MGARP: variants seen among roughly 807,000 people sequenced by gnomAD.
The protein encoded by MGARP is protein MGARP.
MGARP carries 12 observed loss-of-function variants against 11.0 expected under a neutral mutation model. That is an observed-to-expected ratio of 1.09 (90% CI 0.70 to 1.77). The LOEUF is 1.77. Among genes scored for constraint, MGARP ranks in the 40% most tolerant of loss-of-function variants. MGARP has a pLI of 0.00. For missense variants in MGARP, 283 were observed against 297.8 expected (o/e 0.95, Z 0.36); for synonymous variants, 110 against 115.4 (o/e 0.95, Z 0.30).
intron 1 of MGARP, among the ~76,000 whole-genome samples, chr4:139,279,499 G>T (rs1340584518): frequency 6.6e-6 from 1 of 152,124 alleles, no homozygotes; most frequent in South Asian, 2.1e-4. Context: ...AGAGCCAGGC[G>T]CTCGCGGGGT....
At chr4:139,275,879 A>T (rs1048639199) in intron 1 of MGARP, among the ~76,000 whole-genome samples, 1 of 152,236 alleles carries the variant, frequency 6.6e-6, no homozygotes, top group Non-Finnish European at 1.5e-5. Context: ...AATCTATAAT[A>T]CACATGTAGG....
chr4:139,269,204 A>G lies in MGARP; in HGVS notation c.187-439T>C, dbSNP rs187089352. 6.7e-4 allele frequency among the ~76,000 whole-genome samples: 102 copies of G among 152,202 alleles called. 1 individual carries two copies. Among genetic ancestry groups the G allele is most frequent in the African/African-American group, 2.3e-3 (96 of 41,536 alleles). On this transcript the variant is annotated intron_variant, in intron 2 of 3. Transcript: ENST00000398955. ...AAAACAAGGAAGAAAAAAATGAATT[A>G]TGCTACAACCAGAATATCCTGACAG...
At chr4:139,271,488 C>T (rs1408879578) in intron 2 of MGARP, among the ~76,000 whole-genome samples, 7 of 152,058 alleles carry the variant, frequency 4.6e-5, no homozygotes, top group Non-Finnish European at 7.4e-5. Flanking sequence ...ATTGCGCCAT[C>T]GCACTCCAGC....
intron 1 of MGARP, among the ~76,000 whole-genome samples, chr4:139,279,233 A>G (rs1744918024): frequency 6.6e-6 from 1 of 152,180 alleles, no homozygotes; most frequent in South Asian, 2.1e-4. Flanking sequence ...TTCCTTGCTC[A>G]CACCTATTAA....
chr4:139,268,346 A>G (rs187466282), intron 3 of MGARP, among the ~76,000 whole-genome samples: 1 of 152,360 alleles, frequency 6.6e-6, no homozygotes, highest in African/African-American at 2.4e-5. Context: ...TTATTTTTAG[A>G]TAATGAGAAA....
intron 1 of MGARP, among the ~76,000 whole-genome samples, chr4:139,276,259 C>A (rs1744872008): frequency 6.6e-6 from 1 of 152,138 alleles, no homozygotes; most frequent in Non-Finnish European, 1.5e-5. Flanking sequence ...AAGAATATAA[C>A]CGTGAACAAG....
chr4:139,279,353 T>A (rs1256743321), intron 1 of MGARP, among the ~76,000 whole-genome samples: 1 of 152,228 alleles, frequency 6.6e-6, no homozygotes, highest in Non-Finnish European at 1.5e-5. Context: ...TTGCTGAGTA[T>A]TCTGCTTTTT....
intron 2 of MGARP, among the ~76,000 whole-genome samples, chr4:139,270,171 A>G (rs1323151355): frequency 3.3e-5 from 5 of 151,532 alleles, no homozygotes; most frequent in African/African-American, 4.9e-5. Context: ...GTGGTGGCGC[A>G]TGCCTGTAAT....
At chr4:139,270,608 G>GGAA (rs1744765220) in intron 2 of MGARP, among the ~76,000 whole-genome samples, 1 of 89,070 alleles carries the variant, frequency 1.1e-5, no homozygotes, top group South Asian at 4.0e-4. Context: ...GACCGCGTCT[G>GGAA]AAAAAAAAAA....
At chr4:139,278,150 C>T (rs868255011) in intron 1 of MGARP, among the ~76,000 whole-genome samples, 1 of 152,126 alleles carries the variant, frequency 6.6e-6, no homozygotes, top group Non-Finnish European at 1.5e-5. Context: ...TCACTTGGAT[C>T]CGGGAGGCGG....
chr4:139,276,161 T>G (rs1744870393), intron 1 of MGARP, among the ~76,000 whole-genome samples: 1 of 152,192 alleles, frequency 6.6e-6, no homozygotes, highest in South Asian at 2.1e-4. Flanking sequence ...ATTCTTTATT[T>G]TAAAAATAAA....
intron 2 of MGARP, among the ~76,000 whole-genome samples, chr4:139,270,323 G>C (rs1193497813): frequency 1.4e-5 from 2 of 147,356 alleles, no homozygotes; most frequent in African/African-American, 5.0e-5. Flanking sequence ...AAGAAAGAAA[G>C]AAAAGAAAAG....
intron 3 of MGARP, among the ~76,000 whole-genome samples, chr4:139,267,635 C>A (rs1560930394): frequency 6.6e-6 from 1 of 152,130 alleles, no homozygotes; most frequent in East Asian, 1.9e-4. Context: ...ATAAAAAGTT[C>A]TATGCAAATG....
In MGARP at chr4:139,275,282, C is replaced by A. The variant is rs1435398656; in HGVS notation, c.186+7G>T. ...TTCTTGAGCACTGTGGTTATATAAT[C>A]ACTTACATAATATCCACCAGCACTG... On this transcript the variant is annotated splice_region_variant and intron_variant, in intron 2 of 3. Transcript: ENST00000398955. 1.9e-6 allele frequency: 3 copies of A among 1,600,522 alleles called. No homozygotes were observed. In the East Asian group the frequency reaches 6.7e-5, roughly 36 times the overall value.
At chr4:139,278,620 G>A (rs566748048) in intron 1 of MGARP, among the ~76,000 whole-genome samples, 5 of 152,282 alleles carry the variant, frequency 3.3e-5, no homozygotes, top group Non-Finnish European at 5.9e-5. Context: ...GTGCACGCGC[G>A]CATGATGTCG....
intron 2 of MGARP, 117 bp downstream of exon 2, chr4:139,275,172 T>C: frequency 4.0e-6 from 3 of 754,116 alleles, no homozygotes; most frequent in Non-Finnish European, 6.6e-6. Context: ...CACTTAAATC[T>C]ATTGCTATGT....
At chr4:139,274,168 T>G (rs934121238) in intron 2 of MGARP, among the ~76,000 whole-genome samples, 1 of 152,146 alleles carries the variant, frequency 6.6e-6, no homozygotes, top group African/African-American at 2.4e-5. Flanking sequence ...AGTAGAGGGA[T>G]TTTTAGGGTG....
At chr4:139,274,139 G>A (rs1433733412) in intron 2 of MGARP, among the ~76,000 whole-genome samples, 1 of 152,186 alleles carries the variant, frequency 6.6e-6, no homozygotes, top group Non-Finnish European at 1.5e-5. Flanking sequence ...GGAGGAGAGA[G>A]GGAGAAATGA....
At chr4:139,272,827 A>G (rs941726138) in intron 2 of MGARP, among the ~76,000 whole-genome samples, 7 of 150,814 alleles carry the variant, frequency 4.6e-5, no homozygotes, top group African/African-American at 1.7e-4. Flanking sequence ...CTGGGATTAC[A>G]GGTGCCCGCC....
Sources: gnomAD v4.1 joint callset for allele counts (sites outside exome capture counted in the v4.1 genomes callset) on GRCh38, gnomAD v4.1.1 for gene constraint, MANE v1.5 for transcripts, NCBI Gene and HGNC (gene_info 2026-07-23, HGNC 2026-07-21) for gene names.